Variants in KIF5C observed in about 807,000 individuals in gnomAD.
KIF5C encodes the protein kinesin family member 5C, also known as kinesin heavy chain isoform 5C.
Under a neutral mutation model 125.2 loss-of-function variants are expected in KIF5C, and 18 were observed. That is an observed-to-expected ratio of 0.14 (90% CI 0.10 to 0.21). The LOEUF (loss-of-function observed/expected upper bound fraction) is 0.21, where lower values mean the gene tolerates loss of function less well. KIF5C is among the 10% of genes least tolerant of loss of function. The probability of loss-of-function intolerance (pLI) is 1.00; values close to 1 mark genes in which losing one functional copy is unlikely to be tolerated. For synonymous variants in KIF5C, 405 were observed against 434.0 expected (o/e 0.93, Z 0.83); for missense variants, 780 against 1,183.8 (o/e 0.66, Z 5.01).
intron 10 of KIF5C, among the ~76,000 whole-genome samples, chr2:148,958,472 A>C (rs559147844): frequency 3.9e-5 from 6 of 152,206 alleles, no homozygotes; most frequent in South Asian, 4.1e-4. Context: ...TTTTATTGGC[A>C]CTTCTTTTAT....
At chr2:148,973,087 C>A (rs1399259010) in intron 11 of KIF5C, among the ~76,000 whole-genome samples, 1 of 152,100 alleles carries the variant, frequency 6.6e-6, no homozygotes, top group Non-Finnish European at 1.5e-5. Flanking sequence ...AGCTTGGAAC[C>A]AGTTTACTTC....
In KIF5C at chr2:148,999,653, T is replaced by G. The variant is rs79430281; in HGVS notation, c.2211-770T>G. Among the ~76,000 whole-genome samples, 20 of 152,240 alleles carry G rather than the reference T, an allele frequency of 1.3e-4. 1 individual carries two copies. The highest frequency in any genetic ancestry group is 6.8e-3 in the Middle Eastern group (2 of 294). On this transcript the variant is annotated intron_variant, in intron 19 of 25. Transcript: ENST00000435030. ...TATTCTGATTAATCACCCTCACAGA[T>G]TCGACTGGAAGGGAGGGGGAGGTTG...
intron 1 of KIF5C, among the ~76,000 whole-genome samples, chr2:148,887,526 C>T (rs545963370): frequency 2.0e-5 from 3 of 152,242 alleles, no homozygotes; most frequent in South Asian, 2.1e-4. Context: ...AAAATCGCTT[C>T]GTATCAGTGC....
In KIF5C at chr2:148,961,993, G is replaced by A; in HGVS notation, c.991G>A (p.Val331Ile). Residue 331 changes from valine (V) to isoleucine (I), a missense_variant, in exon 11 of 26, where the codon GTC (valine) becomes ATC (isoleucine). Around this residue, in one of 2 missense-constraint regions of KIF5C, gnomAD observed 207 missense variants for 441.2 expected, o/e 0.47. Transcript: ENST00000435030. ...CAGAGCTAAGACCATCAAGAATACAGTCTCTGTGAACCTAGAACTGACAGC... is the reference window on the plus strand; with the variant it reads ...CAGAGCTAAGACCATCAAGAATACAATCTCTGTGAACCTAGAACTGACAGC... ...GQRAKTIKNT[V>I]SVNLELTAEE... 6.2e-7 allele frequency: 1 copy of A among 1,613,702 alleles called. No homozygotes were observed. Among genetic ancestry groups the A allele is most frequent in the Non-Finnish European group, 8.5e-7 (1 of 1,179,832 alleles).
At chr2:149,008,377 A>G (rs1682076055) in intron 23 of KIF5C, among the ~76,000 whole-genome samples, 1 of 152,182 alleles carries the variant, frequency 6.6e-6, no homozygotes, top group Non-Finnish European at 1.5e-5. Flanking sequence ...TTTGGACACC[A>G]TCTAGCCTCT....
intron 16 of KIF5C, among the ~76,000 whole-genome samples, chr2:148,993,785 T>TA (rs1298029758): frequency 6.6e-6 from 1 of 152,186 alleles, no homozygotes; most frequent in Non-Finnish European, 1.5e-5. Flanking sequence ...CACGAATATT[T>TA]ATTAAGCACT....
chr2:148,956,392 T>C (rs1682793435), intron 10 of KIF5C, among the ~76,000 whole-genome samples: 1 of 152,250 alleles, frequency 6.6e-6, no homozygotes, highest in Non-Finnish European at 1.5e-5. Context: ...CTTAACTGTC[T>C]CTGTAGCAGT....
intron 1 of KIF5C, among the ~76,000 whole-genome samples, chr2:148,900,056 A>C (rs996823811): frequency 1.3e-5 from 2 of 152,120 alleles, no homozygotes; most frequent in Non-Finnish European, 2.9e-5. Flanking sequence ...AGCTTTATTG[A>C]ACTGTTTTTC....
intron 1 of KIF5C, among the ~76,000 whole-genome samples, chr2:148,906,355 G>T (rs1681107717): frequency 6.6e-6 from 1 of 152,150 alleles, no homozygotes; most frequent in South Asian, 2.1e-4. Flanking sequence ...AAGTCCCATG[G>T]GAGGGAGATG....
Position 148,962,138 on chromosome 2 carries a change from G to T in KIF5C, c.1117+19G>T, listed in dbSNP as rs1334186404. ...AGGAATGGTAAGGAAAAGTAAGGAG[G>T]AAGAGTGAGGCATGAGTGTGTGCTT... is the stretch of plus-strand genomic sequence containing the variant. On this transcript the variant is annotated intron_variant, in intron 11 of 25. Transcript: ENST00000435030. 3.2e-6 allele frequency: 5 copies of T among 1,586,826 alleles called. No individual in the cohort carries two copies. The South Asian group carries it at 5.7e-5, about 18-fold the overall frequency.
At chr2:148,934,795 GC>G (rs1553464346) in intron 3 of KIF5C, among the ~76,000 whole-genome samples, 2 of 150,000 alleles carry the variant, frequency 1.3e-5, no homozygotes, top group Non-Finnish European at 3.0e-5. Flanking sequence ...TACATCACAC[GC>G]CCCCACACAC....
At chr2:148,934,972 G>A (rs2105096652) in intron 3 of KIF5C, 1 of 292,568 alleles carries the variant, frequency 3.4e-6, no homozygotes, top group Non-Finnish European at 6.9e-6. Context: ...GTTTCGGCAG[G>A]CCCAGTTTGC....
chr2:148,899,057 T>C (rs1680780750), intron 1 of KIF5C, among the ~76,000 whole-genome samples: 1 of 152,204 alleles, frequency 6.6e-6, no homozygotes, highest in Non-Finnish European at 1.5e-5. Context: ...GGAGACATTA[T>C]GTATATAATC....
chr2:148,956,335 C>T (rs1278378332), intron 10 of KIF5C, among the ~76,000 whole-genome samples: 1 of 152,166 alleles, frequency 6.6e-6, no homozygotes, highest in Non-Finnish European at 1.5e-5. Flanking sequence ...GAGGTAGTTT[C>T]CTCTTTCCAT....
At chr2:149,005,344 A>C (rs1574831746) in intron 21 of KIF5C, 49 bp from the exon 22 acceptor site, 15 of 1,596,472 alleles carry the variant, frequency 9.4e-6, no homozygotes, top group Non-Finnish European at 1.0e-5. Context: ...AATGTGTCAT[A>C]AATTCAGTGA....
intron 1 of KIF5C, among the ~76,000 whole-genome samples, chr2:148,884,519 G>C (rs927598101): frequency 2.0e-5 from 3 of 152,076 alleles, no homozygotes; most frequent in Non-Finnish European, 2.9e-5. Flanking sequence ...TTATCAACCA[G>C]TTTTAACCAT....
intron 25 of KIF5C, among the ~76,000 whole-genome samples, chr2:149,018,473 G>C (rs1682434395): frequency 6.6e-6 from 1 of 152,104 alleles, no homozygotes. Flanking sequence ...TGGGCTAAGA[G>C]CGATGATCTT....
At chr2:148,901,882 G>A (rs972868377) in intron 1 of KIF5C, among the ~76,000 whole-genome samples, 3 of 152,166 alleles carry the variant, frequency 2.0e-5, no homozygotes, top group African/African-American at 4.8e-5. Context: ...GAGATATGGC[G>A]TCAGTTACAG....
At chr2:148,919,223 G>A (rs540764074) in intron 1 of KIF5C, among the ~76,000 whole-genome samples, 1 of 152,262 alleles carries the variant, frequency 6.6e-6, no homozygotes, top group Admixed American at 6.5e-5. Flanking sequence ...CAGAAAGGAG[G>A]CAGAGGTCTG....
Sources: allele counts gnomAD v4.1 joint callset (sites outside exome capture counted in the v4.1 genomes callset), GRCh38; gene constraint gnomAD v4.1.1; regional missense constraint gnomAD v4.1.1; transcripts MANE v1.5; gene names NCBI Gene and HGNC (gene_info 2026-07-23, HGNC 2026-07-21).